Variants in MCTP1 observed in about 807,000 individuals in gnomAD.
MCTP1 encodes the protein multiple C2 and transmembrane domain containing 1, also known as multiple C2 and transmembrane domain-containing protein 1.
Under a neutral mutation model 120.6 loss-of-function variants are expected in MCTP1, and 69 were observed. That is an observed-to-expected ratio of 0.57 (90% confidence interval 0.47 to 0.70). The LOEUF is 0.70. Ranked by LOEUF, MCTP1 falls within the 30% of genes least tolerant of loss-of-function variation. MCTP1 has a pLI of 0.00. For missense variants in MCTP1, 1,203 were observed against 1,248.8 expected (o/e 0.96, Z 0.55); for synonymous variants, 529 against 493.1 (o/e 1.07, Z -0.96).
intron 12 of MCTP1, among the ~76,000 whole-genome samples, chr5:94,884,227 G>T (rs1276632700): frequency 6.6e-6 from 1 of 152,156 alleles, no homozygotes; most frequent in East Asian, 1.9e-4. Flanking sequence ...TATCTCATTT[G>T]CTTCTTAGCT....
chr5:95,252,647 TC>T (rs1295895606), intron 1 of MCTP1, among the ~76,000 whole-genome samples: 1 of 152,132 alleles, frequency 6.6e-6, no homozygotes. Flanking sequence ...ACAGTCTGGG[TC>T]TAGGATCTAC....
At chr5:94,745,753 C>T (rs1030450999) in intron 19 of MCTP1, among the ~76,000 whole-genome samples, 1 of 152,148 alleles carries the variant, frequency 6.6e-6, no homozygotes, top group Non-Finnish European at 1.5e-5. Flanking sequence ...AGAGAAGCAG[C>T]ACAAAGTGCT....
chr5:95,284,197 C>T lies in MCTP1; in HGVS notation c.379G>A (p.Glu127Lys), dbSNP rs575323070. The stretch of plus-strand genomic sequence containing the variant: ...CCCTTTACGGCGGGGAGCAAATGCT[C>T]GCGGATCCGGCGGCGTAGCGTGGAC... ...QGSTLRRRIR[E>K]HLLPAVKGPA... Residue 127 changes from glutamate (E) to lysine (K), a missense_variant, in exon 1 of 23, where the codon GAG (glutamate) becomes AAG (lysine). By Grantham distance (56) the Glu-to-Lys change is moderately conservative. Transcript: ENST00000515393. This position sits in a 1 kb window ranked among gnomAD's most constrained non-coding sequence, Gnocchi z 5.2. The T allele has an allele frequency of 6.5e-7, 1 of 1,548,852 alleles. No homozygotes were observed. The highest frequency in any genetic ancestry group is 2.4e-5 in the East Asian group (1 of 41,576).
rs1223894269 is a variant in MCTP1 at position 94,704,228 on chromosome 5, G to A, written c.*3268C>T. 1.3e-5 allele frequency: 2 copies of A among 151,462 alleles called. No individual in the cohort carries two copies. The highest frequency in any genetic ancestry group is 3.0e-5 in the Non-Finnish European group (2 of 67,680). 9.4% of individuals were successfully genotyped at this position (151,462 alleles called of 1,614,324 possible). On this transcript the variant is annotated 3_prime_UTR_variant, in exon 23 of 23. Coordinates refer to ENST00000515393, the MANE Select transcript of MCTP1 (RefSeq NM_024717.7). ...CACTCACACTAGAGTGTGAAATCAC[G>A]CTATTCATTTAAAGCCCAAGAATTT...
chr5:95,256,730 A>G (rs775082249), intron 1 of MCTP1, among the ~76,000 whole-genome samples: 1 of 152,128 alleles, frequency 6.6e-6, no homozygotes, highest in Non-Finnish European at 1.5e-5. Flanking sequence ...AGCTAAAAAA[A>G]AGAGAGAGAG....
At chr5:94,800,390 T>C (rs1447317422) in intron 17 of MCTP1, among the ~76,000 whole-genome samples, 4 of 152,160 alleles carry the variant, frequency 2.6e-5, no homozygotes, top group Admixed American at 1.3e-4. Flanking sequence ...TTGCATTTGA[T>C]AGGTCAGGAG....
intron 1 of MCTP1, among the ~76,000 whole-genome samples, chr5:95,046,180 G>T (rs534111094): frequency 6.6e-6 from 1 of 152,112 alleles, no homozygotes; most frequent in East Asian, 1.9e-4. Context: ...CCACATGAGA[G>T]AACTCATGAA....
chr5:95,181,855 G>A (rs957749276), intron 1 of MCTP1, among the ~76,000 whole-genome samples: 2 of 152,150 alleles, frequency 1.3e-5, no homozygotes, highest in Non-Finnish European at 2.9e-5. Context: ...TTCACCATCC[G>A]TTAGTGATTG....
At chr5:94,826,373 A>G in intron 17 of MCTP1, 1 of 589,580 alleles carries the variant, frequency 1.7e-6, no homozygotes, top group Admixed American at 2.3e-5. Context: ...AGAAGCTGCA[A>G]CAGCTTTCAG....
chr5:94,831,356 T>G (rs1308663524), intron 17 of MCTP1, among the ~76,000 whole-genome samples: 1 of 152,228 alleles, frequency 6.6e-6, no homozygotes, highest in East Asian at 1.9e-4. Flanking sequence ...TCACTAGGTC[T>G]CCAACAGGAA....
At chr5:95,054,951 G>T (rs1746987853) in intron 1 of MCTP1, among the ~76,000 whole-genome samples, 1 of 152,052 alleles carries the variant, frequency 6.6e-6, no homozygotes, top group African/African-American at 2.4e-5. Context: ...GGGACCACAG[G>T]TATACGCCAC....
intron 1 of MCTP1, among the ~76,000 whole-genome samples, chr5:95,169,328 G>A (rs1223225982): frequency 3.3e-5 from 5 of 152,186 alleles, no homozygotes; most frequent in Non-Finnish European, 7.3e-5. Context: ...TTGCATCAAT[G>A]TTCATCAGGG....
chr5:94,778,782 T>A (rs1375048437), intron 19 of MCTP1, among the ~76,000 whole-genome samples: 1 of 152,120 alleles, frequency 6.6e-6, no homozygotes, highest in African/African-American at 2.4e-5. Flanking sequence ...CGATTTGTAA[T>A]ACTCAAAATA....
intron 1 of MCTP1, among the ~76,000 whole-genome samples, chr5:95,185,712 G>A (rs1259907122): frequency 6.6e-6 from 1 of 151,988 alleles, no homozygotes; most frequent in Non-Finnish European, 1.5e-5. Flanking sequence ...AACCTGGGAA[G>A]TGAGGCCAGG....
chr5:95,276,651 G>A (rs1360969287), intron 1 of MCTP1, among the ~76,000 whole-genome samples: 2 of 149,920 alleles, frequency 1.3e-5, no homozygotes, highest in Admixed American at 6.6e-5. Flanking sequence ...GAAGTGCTAG[G>A]TACAAAAAAC....
chr5:94,901,036 C>T (rs1805388855), intron 10 of MCTP1, among the ~76,000 whole-genome samples: 1 of 152,168 alleles, frequency 6.6e-6, no homozygotes, highest in Non-Finnish European at 1.5e-5. Context: ...CAAGAACAGA[C>T]TCAAATCTAA....
intron 1 of MCTP1, among the ~76,000 whole-genome samples, chr5:95,057,789 T>G (rs1747817248): frequency 6.6e-6 from 1 of 152,172 alleles, no homozygotes; most frequent in Admixed American, 6.5e-5. Flanking sequence ...GTTTCATGTA[T>G]TTCCTCTTTT....
At chr5:95,001,039 G>A (rs1271077143) in intron 2 of MCTP1, among the ~76,000 whole-genome samples, 1 of 152,158 alleles carries the variant, frequency 6.6e-6, no homozygotes, top group East Asian at 1.9e-4. Context: ...CTGTTCTCAC[G>A]ATAGTGAGTG....
chr5:94,740,712 C>T (rs770884221), intron 19 of MCTP1, among the ~76,000 whole-genome samples: 14 of 152,096 alleles, frequency 9.2e-5, no homozygotes, highest in Non-Finnish European at 1.9e-4. Flanking sequence ...TCCATATTTC[C>T]GAGTGCCAAC....
Sources: gnomAD v4.1 joint callset for allele counts (sites outside exome capture counted in the v4.1 genomes callset) on GRCh38, gnomAD v4.1.1 for gene constraint, Gnocchi (gnomAD v3.1) non-coding constraint, MANE v1.5 for transcripts, NCBI Gene and HGNC (gene_info 2026-07-23, HGNC 2026-07-21) for gene names.